The following MYO1D variants were observed in gnomAD, a reference collection of about 807,000 sequenced individuals.
MYO1D encodes the protein myosin ID, also known as unconventional myosin-Id.
MYO1D carries 83 observed loss-of-function variants against 122.0 expected under a neutral mutation model. That is an observed-to-expected ratio of 0.68 (90% CI 0.57 to 0.82). MYO1D has a LOEUF of 0.82. Ranked by LOEUF, MYO1D falls within the 40% of genes least tolerant of loss-of-function variation. MYO1D has a pLI of 0.00. For synonymous variants in MYO1D, 464 were observed against 446.9 expected, an observed-to-expected ratio of 1.04 and a Z score of -0.48; for missense variants, 1,157 against 1,269.5, an observed-to-expected ratio of 0.91 and a Z score of 1.35.
At chr17:32,674,299 T>C (rs112161455) in intron 16 of MYO1D, among the ~76,000 whole-genome samples, 11 of 152,218 alleles carry the variant, frequency 7.2e-5, no homozygotes, top group African/African-American at 2.7e-4. Flanking sequence ...AGATGATTCA[T>C]AAGAGCATAT....
intron 14 of MYO1D, among the ~76,000 whole-genome samples, chr17:32,728,408 A>G (rs1044218378): frequency 6.6e-6 from 1 of 152,042 alleles, no homozygotes; most frequent in Non-Finnish European, 1.5e-5. Flanking sequence ...GGGTTTCACT[A>G]TGTTGGCCAG....
intron 1 of MYO1D, among the ~76,000 whole-genome samples, chr17:32,822,761 CCGGGGCGTCCCCGCACCCGG>C (rs1355504154): frequency 6.6e-6 from 1 of 151,422 alleles, no homozygotes; most frequent in Non-Finnish European, 1.5e-5. Context: ...GCGGCGAGGC[CCGGGGCGTCCCCGCACCCGG>C]CCGACCTCCG....
intron 16 of MYO1D, among the ~76,000 whole-genome samples, chr17:32,678,877 A>T (rs2088865019): frequency 6.6e-6 from 1 of 151,076 alleles, no homozygotes; most frequent in African/African-American, 2.5e-5. Context: ...TCCCACCAAC[A>T]GTGTAAAAGT....
intron 1 of MYO1D, among the ~76,000 whole-genome samples, chr17:32,821,204 C>T (rs1567658132): frequency 6.6e-6 from 1 of 152,120 alleles, no homozygotes; most frequent in Non-Finnish European, 1.5e-5. Context: ...GGGACATGAT[C>T]TCATTCTTTT....
intron 21 of MYO1D, among the ~76,000 whole-genome samples, chr17:32,597,822 T>C (rs1380771331): frequency 6.8e-6 from 1 of 147,296 alleles, no homozygotes; most frequent in Admixed American, 6.9e-5. Flanking sequence ...TGAGCCAAGA[T>C]TGTGCCACTG....
chr17:32,772,756 AATG>A, intron 5 of MYO1D, 30 bp downstream of exon 5: 1 of 1,546,518 alleles, frequency 6.5e-7, no homozygotes, highest in Non-Finnish European at 8.9e-7. Flanking sequence ...CAACTGGGCA[AATG>A]ATCAATTATC....
chr17:32,542,679 G>A lies in MYO1D; in HGVS notation c.2865-47764C>T, dbSNP rs192739133. On this transcript the variant is annotated intron_variant, in intron 21 of 21. Coordinates refer to ENST00000318217, the MANE Select transcript of MYO1D (RefSeq NM_015194.3). ...AATGACTAGTTGCTAAATATTTCCC[G>A]TATCAATGGTATTTCAGGAATATCT... Among the ~76,000 whole-genome samples, 420 of 150,836 alleles carry A rather than the reference G, an allele frequency of 2.8e-3. 1 individual carries two copies. The highest frequency in any genetic ancestry group is 4.6e-3 in the Non-Finnish European group (311 of 67,908).
intron 1 of MYO1D, among the ~76,000 whole-genome samples, chr17:32,808,594 C>T (rs2090541787): frequency 6.6e-6 from 1 of 152,084 alleles, no homozygotes; most frequent in Non-Finnish European, 1.5e-5. Context: ...AAAATTCATA[C>T]ATTGAAATCT....
At chr17:32,777,802 C>T (rs2090191760) in intron 3 of MYO1D, among the ~76,000 whole-genome samples, 1 of 152,046 alleles carries the variant, frequency 6.6e-6, no homozygotes. Flanking sequence ...GGCGCAGTGG[C>T]CGGTGCCTGT....
At chr17:32,528,790 G>C (rs905328328) in intron 21 of MYO1D, among the ~76,000 whole-genome samples, 2 of 152,168 alleles carry the variant, frequency 1.3e-5, no homozygotes, top group Admixed American at 6.5e-5. Flanking sequence ...AAGGAGTGCC[G>C]GCAGCTCCCA....
chr17:32,625,505 T>C (rs911600703), intron 20 of MYO1D, among the ~76,000 whole-genome samples: 1 of 152,138 alleles, frequency 6.6e-6, no homozygotes, highest in African/African-American at 2.4e-5. Flanking sequence ...ACACCTGGCA[T>C]GACACATGCG....
intron 20 of MYO1D, among the ~76,000 whole-genome samples, chr17:32,637,625 C>T (rs537518646): frequency 3.5e-4 from 53 of 152,226 alleles, no homozygotes; most frequent in African/African-American, 1.1e-3. Context: ...GACCTGATAT[C>T]GTGCCACTGC....
chr17:32,543,103 G>A (rs1910893984), intron 21 of MYO1D, among the ~76,000 whole-genome samples: 1 of 151,146 alleles, frequency 6.6e-6, no homozygotes, highest in African/African-American at 2.4e-5. Flanking sequence ...GCGGGCGCCT[G>A]TAGTCCCAGC....
intron 16 of MYO1D, among the ~76,000 whole-genome samples, chr17:32,667,000 C>A (rs1335927230): frequency 6.6e-6 from 1 of 152,192 alleles, no homozygotes; most frequent in Non-Finnish European, 1.5e-5. Flanking sequence ...CTTTGAGAGT[C>A]CACATTGAGA....
chr17:32,592,713 A>C (rs902818826), intron 21 of MYO1D, among the ~76,000 whole-genome samples: 6 of 151,680 alleles, frequency 4.0e-5, no homozygotes. Flanking sequence ...TAGCTGTTAC[A>C]AATGTTCGAT....
chr17:32,735,256 C>A (rs1436404388), intron 14 of MYO1D, among the ~76,000 whole-genome samples: 1 of 152,144 alleles, frequency 6.6e-6, no homozygotes, highest in Non-Finnish European at 1.5e-5. Flanking sequence ...TTGGCACCAT[C>A]TTGCTCACTG....
intron 21 of MYO1D, among the ~76,000 whole-genome samples, chr17:32,544,707 C>T (rs954757071): frequency 1.3e-5 from 2 of 152,180 alleles, no homozygotes; most frequent in South Asian, 2.1e-4. Context: ...TAAGAGGCAA[C>T]TATGTGTTCT....
intron 1 of MYO1D, among the ~76,000 whole-genome samples, chr17:32,781,334 T>C (rs1227182538): frequency 1.3e-5 from 2 of 152,182 alleles, no homozygotes; most frequent in African/African-American, 2.4e-5. Context: ...TAAAGTTCCA[T>C]GGTGTCGATA....
chr17:32,863,420 T>C (rs770263356), intron 1 of MYO1D, among the ~76,000 whole-genome samples: 1 of 152,178 alleles, frequency 6.6e-6, no homozygotes, highest in Non-Finnish European at 1.5e-5. Context: ...CATTACAACA[T>C]ATTAACTCCT....
Sources: gnomAD v4.1 joint callset for allele counts (sites outside exome capture counted in the v4.1 genomes callset) on GRCh38, gnomAD v4.1.1 for gene constraint, MANE v1.5 for transcripts, NCBI Gene and HGNC (gene_info 2026-07-23, HGNC 2026-07-21) for gene names.